Variants in CERS6 observed in about 807,000 individuals in gnomAD.
CERS6 encodes ceramide synthase 6, also known as LAG1 homolog, ceramide synthase 6.
Under a neutral mutation model 56.8 loss-of-function variants are expected in CERS6, and 26 were observed. The ratio of observed to expected loss-of-function variants is 0.46; its 90% CI spans 0.34 to 0.63. CERS6 has a LOEUF of 0.63. CERS6 is among the 30% of genes least tolerant of loss of function. CERS6 has a pLI of 0.01. For synonymous variants in CERS6, 164 were observed against 173.3 expected (o/e 0.95, Z 0.42); for missense variants, 415 against 467.5 (o/e 0.89, Z 1.04).
At chr2:168,499,544 T>C (rs904050498) in intron 1 of CERS6, among the ~76,000 whole-genome samples, 2 of 152,272 alleles carry the variant, frequency 1.3e-5, no homozygotes, top group Admixed American at 6.5e-5. Context: ...AGTTGGTACT[T>C]CTTGTAACCC....
Position 168,547,786 on chromosome 2 carries a change from T to G in CERS6, c.276+85T>G, listed in dbSNP as rs1695493526. On this transcript the variant is annotated intron_variant, in intron 2 of 9. Coordinates refer to ENST00000305747, the MANE Select transcript of CERS6 (RefSeq NM_203463.3). ...CATTCAATTTGTCCCCTTCTGGGTTTGGAGAATCAACTTTTGCCTAGCCTT... is the reference window on the plus strand; with the variant it reads ...CATTCAATTTGTCCCCTTCTGGGTTGGGAGAATCAACTTTTGCCTAGCCTT... 4.2e-6 allele frequency: 4 copies of G among 960,898 alleles called. No individual in the cohort carries two copies. The East Asian group carries it at 9.9e-5, about 24-fold the overall frequency. 59.5% of individuals were successfully genotyped at this position (960,898 alleles called of 1,614,324 possible).
intron 6 of CERS6, among the ~76,000 whole-genome samples, chr2:168,695,445 G>T (rs1195058657): frequency 6.6e-6 from 1 of 152,118 alleles, no homozygotes; most frequent in African/African-American, 2.4e-5. Context: ...CAATTGCAGG[G>T]TTGTCCAGTG....
intron 1 of CERS6, among the ~76,000 whole-genome samples, chr2:168,513,165 G>A (rs895989305): frequency 1.3e-5 from 2 of 152,156 alleles, no homozygotes; most frequent in African/African-American, 4.8e-5. Flanking sequence ...TTTAGTTTTA[G>A]AATAGTTTTA....
chr2:168,594,410 C>G (rs527434871), intron 3 of CERS6, among the ~76,000 whole-genome samples: 47 of 152,220 alleles, frequency 3.1e-4, no homozygotes, highest in African/African-American at 1.1e-3. Flanking sequence ...CATAGGGAGA[C>G]TCCTGTCTCT....
At chr2:168,676,376 A>G (rs1686060104) in intron 4 of CERS6, among the ~76,000 whole-genome samples, 1 of 152,184 alleles carries the variant, frequency 6.6e-6, no homozygotes, top group Non-Finnish European at 1.5e-5. Context: ...CCACTGATGT[A>G]CGGAGATCTT....
intron 4 of CERS6, among the ~76,000 whole-genome samples, chr2:168,656,319 A>G (rs761143964): frequency 5.9e-5 from 9 of 152,182 alleles, no homozygotes; most frequent in Non-Finnish European, 1.2e-4. Flanking sequence ...GTAGCTTTTA[A>G]CTGATGTGGT....
chr2:168,691,540 A>G (rs910995689), intron 5 of CERS6, among the ~76,000 whole-genome samples: 4 of 152,136 alleles, frequency 2.6e-5, no homozygotes, highest in Non-Finnish European at 4.4e-5. Flanking sequence ...ATCAAGCACC[A>G]TTTCCTTGAG....
intron 1 of CERS6, among the ~76,000 whole-genome samples, chr2:168,480,004 G>A (rs1394660691): frequency 1.3e-5 from 2 of 152,168 alleles, no homozygotes; most frequent in Non-Finnish European, 2.9e-5. Flanking sequence ...GTGATGCTGG[G>A]TAAGCTAAAG....
At chr2:168,484,370 G>A (rs1694237667) in intron 1 of CERS6, among the ~76,000 whole-genome samples, 2 of 151,234 alleles carry the variant, frequency 1.3e-5, no homozygotes, top group Admixed American at 6.6e-5. Context: ...TAGTAGAGAC[G>A]GGGTTTCTCC....
intron 9 of CERS6, chr2:168,766,268 T>G: frequency 6.4e-7 from 1 of 1,556,724 alleles, no homozygotes; most frequent in Non-Finnish European, 8.8e-7. Context: ...TTCCAGATCA[T>G]TCTCTGTGAC....
chr2:168,756,081 G>A (rs1357954668), intron 8 of CERS6, among the ~76,000 whole-genome samples: 1 of 152,114 alleles, frequency 6.6e-6, no homozygotes, highest in African/African-American at 2.4e-5. Flanking sequence ...ATCCTACAAT[G>A]GAAATGAGCA....
chr2:168,691,710 T>C (rs1055126523), intron 5 of CERS6, among the ~76,000 whole-genome samples: 17 of 152,224 alleles, frequency 1.1e-4, no homozygotes, highest in Non-Finnish European at 2.5e-4. Flanking sequence ...TTCAGTGATA[T>C]AAGCATGTGT....
chr2:168,621,830 G>C (rs141708657), intron 3 of CERS6, among the ~76,000 whole-genome samples: 139 of 152,210 alleles, frequency 9.1e-4, no homozygotes, highest in African/African-American at 3.2e-3. Flanking sequence ...ACTTCCAATG[G>C]CAATTTTAGC....
chr2:168,541,158 A>G (rs189547244), intron 1 of CERS6, among the ~76,000 whole-genome samples: 1 of 152,274 alleles, frequency 6.6e-6, no homozygotes, highest in Non-Finnish European at 1.5e-5. Context: ...TCATAGAGCT[A>G]GAGCTCACCC....
chr2:168,624,726 C>T (rs1330087996), intron 3 of CERS6, among the ~76,000 whole-genome samples: 1 of 152,114 alleles, frequency 6.6e-6, no homozygotes, highest in African/African-American at 2.4e-5. Context: ...GAATGTGTCA[C>T]ATATAATACG....
chr2:168,577,201 A>G (rs1218959816), intron 3 of CERS6, among the ~76,000 whole-genome samples: 4 of 152,152 alleles, frequency 2.6e-5, no homozygotes, highest in African/African-American at 7.2e-5. Flanking sequence ...ACAGCCTCGT[A>G]TGAGAGGTTA....
intron 6 of CERS6, among the ~76,000 whole-genome samples, chr2:168,704,328 C>T (rs546757317): frequency 2.0e-5 from 3 of 151,982 alleles, no homozygotes; most frequent in Non-Finnish European, 2.9e-5. Context: ...CACATAAATT[C>T]GGGTCCTCAG....
At chr2:168,667,519 T>C (rs1685793249) in intron 4 of CERS6, among the ~76,000 whole-genome samples, 1 of 152,198 alleles carries the variant, frequency 6.6e-6, no homozygotes, top group Non-Finnish European at 1.5e-5. Flanking sequence ...CTTGAGTGCA[T>C]TTGTTCCTCT....
At chr2:168,620,071 A>G (rs1684432203) in intron 3 of CERS6, among the ~76,000 whole-genome samples, 1 of 149,818 alleles carries the variant, frequency 6.7e-6, no homozygotes, top group South Asian at 2.1e-4. Flanking sequence ...ACATATTTAT[A>G]TATATATGAT....
Sources: allele counts gnomAD v4.1 joint callset (sites outside exome capture counted in the v4.1 genomes callset), GRCh38; gene constraint gnomAD v4.1.1; transcripts MANE v1.5; gene names NCBI Gene and HGNC (gene_info 2026-07-23, HGNC 2026-07-21).